Variants in FRMD4A observed in about 807,000 individuals in gnomAD.
FRMD4A encodes FERM domain containing 4A.
In FRMD4A, 29 loss-of-function variants were observed where a neutral mutation model predicts 129.1. The observed-to-expected ratio is 0.22, with a 90% CI of 0.17 to 0.31. FRMD4A has a LOEUF of 0.31. FRMD4A is among the 10% of genes least tolerant of loss of function. The probability of loss-of-function intolerance (pLI) is 1.00; values close to 1 mark genes in which losing one functional copy is unlikely to be tolerated. For missense variants in FRMD4A, 1,272 were observed against 1,375.8 expected, an observed-to-expected ratio of 0.92 and a Z score of 1.19; for synonymous variants, 634 against 571.6, an observed-to-expected ratio of 1.11 and a Z score of -1.56.
chr10:13,685,171 G>A, intron 15 of FRMD4A: 1 of 984,962 alleles, frequency 1.0e-6, no homozygotes. Context: ...CATGCTTGGA[G>A]AACTTTTCAT....
At chr10:13,679,023 T>A (rs2084244915) in intron 15 of FRMD4A, among the ~76,000 whole-genome samples, 1 of 152,078 alleles carries the variant, frequency 6.6e-6, no homozygotes. Flanking sequence ...TCACTGTAAT[T>A]TCTGTCCTAC....
chr10:13,690,631 G>C (rs945501143), intron 15 of FRMD4A, among the ~76,000 whole-genome samples: 1 of 152,164 alleles, frequency 6.6e-6, no homozygotes, highest in Non-Finnish European at 1.5e-5. Flanking sequence ...CCCTCGGGTT[G>C]AGTCATGGGG....
At chr10:14,044,869 C>T (rs559846056) in intron 2 of FRMD4A, among the ~76,000 whole-genome samples, 15 of 152,284 alleles carry the variant, frequency 9.9e-5, no homozygotes, top group African/African-American at 3.6e-4. Flanking sequence ...CTCTCGTCTA[C>T]CAGATTGAAT....
At chr10:14,239,035 A>G (rs917038710) in intron 2 of FRMD4A, among the ~76,000 whole-genome samples, 1 of 152,154 alleles carries the variant, frequency 6.6e-6, no homozygotes, top group Non-Finnish European at 1.5e-5. Context: ...CTGTAAAAAT[A>G]TGTGTCAATA....
chr10:14,060,973 A>G (rs1223945008), intron 2 of FRMD4A, among the ~76,000 whole-genome samples: 2 of 152,166 alleles, frequency 1.3e-5, no homozygotes, highest in African/African-American at 4.8e-5. Flanking sequence ...ATTTTTATGT[A>G]TAAGATTTCC....
At chr10:14,183,348 T>C (rs1486506530) in intron 2 of FRMD4A, among the ~76,000 whole-genome samples, 1 of 152,208 alleles carries the variant, frequency 6.6e-6, no homozygotes, top group Non-Finnish European at 1.5e-5. Flanking sequence ...TTATAAAAGC[T>C]CATTCTTCTA....
At chr10:13,705,112 C>G (rs2087284656) in intron 13 of FRMD4A, among the ~76,000 whole-genome samples, 1 of 152,170 alleles carries the variant, frequency 6.6e-6, no homozygotes, top group African/African-American at 2.4e-5. Context: ...TTCTCAGTTA[C>G]ACTAGAAGAT....
intron 2 of FRMD4A, among the ~76,000 whole-genome samples, chr10:14,077,619 G>A (rs532373706): frequency 1.3e-5 from 2 of 152,188 alleles, no homozygotes; most frequent in African/African-American, 4.8e-5. Context: ...GGTCACTCGT[G>A]TCAATGCTGA....
At chr10:14,059,547 G>A (rs1219580612) in intron 2 of FRMD4A, among the ~76,000 whole-genome samples, 1 of 152,190 alleles carries the variant, frequency 6.6e-6, no homozygotes, top group East Asian at 1.9e-4. Context: ...CCTTAAGCAA[G>A]GAAGAGAGCT....
chr10:13,845,102 G>C (rs2094023788), intron 3 of FRMD4A, among the ~76,000 whole-genome samples: 1 of 152,134 alleles, frequency 6.6e-6, no homozygotes, highest in African/African-American at 2.4e-5. Context: ...ATGATACTGG[G>C]ACGCAACCAT....
chr10:14,171,442 C>T (rs150514674), intron 2 of FRMD4A, among the ~76,000 whole-genome samples: 3 of 152,342 alleles, frequency 2.0e-5, no homozygotes, highest in East Asian at 1.9e-4. Context: ...ACTGACAATG[C>T]ACTAACTGTG....
At chr10:13,954,065 G>A (rs1050344288) in intron 2 of FRMD4A, among the ~76,000 whole-genome samples, 2 of 152,212 alleles carry the variant, frequency 1.3e-5, no homozygotes, top group Non-Finnish European at 2.9e-5. Flanking sequence ...CCCTGTGCTA[G>A]GACATCAGGG....
At position 14,209,371 on chromosome 10, in the gene FRMD4A, C is replaced by G. The variant is rs114134119; in HGVS notation, c.45+120687G>C. ...AGTGCTGATATTTGGAAAAAGAAAT[C>G]TGTACATGTAGTTAAATCCAGCACC... is the stretch of plus-strand genomic sequence containing the variant. On this transcript the variant is annotated intron_variant, in intron 2 of 24. Coordinates refer to ENST00000357447, the MANE Select transcript of FRMD4A (RefSeq NM_018027.5). Among the ~76,000 whole-genome samples the G allele has an allele frequency of 1.2e-3, 181 of 152,254 alleles. 1 individual carries two copies. Among genetic ancestry groups the G allele is most frequent in the African/African-American group, 4.2e-3 (174 of 41,548 alleles).
intron 10 of FRMD4A, 52 bp downstream of exon 10, chr10:13,740,460 T>C (rs2090921746): frequency 3.8e-6 from 4 of 1,055,980 alleles, no homozygotes; most frequent in African/African-American, 3.2e-5. Context: ...ACATACGATA[T>C]ATTAACACAC....
chr10:13,731,079 T>G (rs921882269), intron 12 of FRMD4A, among the ~76,000 whole-genome samples: 2 of 151,806 alleles, frequency 1.3e-5, no homozygotes, highest in Non-Finnish European at 2.9e-5. Context: ...ACTTCTGTCA[T>G]CACTGCTGAG....
chr10:13,822,202 C>G lies in FRMD4A; in HGVS notation c.112-11294G>C, dbSNP rs563693747. Among the ~76,000 whole-genome samples, 351 of 152,272 alleles carry G rather than the reference C, an allele frequency of 2.3e-3. 1 individual carries two copies. The highest frequency in any genetic ancestry group is 7.6e-3 in the African/African-American group (317 of 41,554). ...ACATATCCATCACCTATCATACTTACGATTTTTGTAGCGAGAACATTTCCA... is the reference window on the plus strand; with the variant it reads ...ACATATCCATCACCTATCATACTTAGGATTTTTGTAGCGAGAACATTTCCA... On this transcript the variant is annotated intron_variant, in intron 3 of 24. Coordinates refer to ENST00000357447, the MANE Select transcript of FRMD4A (RefSeq NM_018027.5).
At chr10:14,277,991 T>C (rs551703909) in intron 2 of FRMD4A, among the ~76,000 whole-genome samples, 2 of 152,334 alleles carry the variant, frequency 1.3e-5, no homozygotes, top group East Asian at 3.9e-4. Context: ...TGGTGCTCAG[T>C]TCCCCCAGTG....
intron 3 of FRMD4A, among the ~76,000 whole-genome samples, chr10:13,858,169 C>T (rs1038619695): frequency 2.6e-5 from 4 of 152,188 alleles, no homozygotes; most frequent in Admixed American, 2.6e-4. Context: ...CACAGTGGCT[C>T]ATGTCTATAA....
chr10:13,857,190 T>C (rs2094225065), intron 3 of FRMD4A, among the ~76,000 whole-genome samples: 1 of 152,146 alleles, frequency 6.6e-6, no homozygotes, highest in Non-Finnish European at 1.5e-5. Flanking sequence ...CTTGTAATAG[T>C]GGTAAAATTT....
Sources: allele counts gnomAD v4.1 joint callset (sites outside exome capture counted in the v4.1 genomes callset), GRCh38; gene constraint gnomAD v4.1.1; transcripts MANE v1.5; gene names NCBI Gene and HGNC (gene_info 2026-07-23, HGNC 2026-07-21).